The following CCDC7 variants were observed in gnomAD, a reference collection of about 807,000 sequenced individuals.
CCDC7 encodes the protein coiled-coil domain containing 7.
CCDC7 carries 183 observed loss-of-function variants against 196.9 expected under a neutral mutation model. The ratio of observed to expected loss-of-function variants is 0.93; its 90% CI spans 0.82 to 1.05. CCDC7 has a LOEUF of 1.05. Ranked by LOEUF, CCDC7 falls within the 50% of genes least tolerant of loss-of-function variation. The pLI is 0.00. For synonymous variants in CCDC7, 525 were observed against 484.6 expected (o/e 1.08, Z -1.10); for missense variants, 1,540 against 1,482.2 (o/e 1.04, Z -0.64).
intron 28 of CCDC7, among the ~76,000 whole-genome samples, chr10:32,758,735 A>T (rs947003683): frequency 6.6e-6 from 1 of 152,178 alleles, no homozygotes; most frequent in African/African-American, 2.4e-5. Context: ...TAGTGTTGAA[A>T]GTTCTGGCCA....
intron 3 of CCDC7, among the ~76,000 whole-genome samples, chr10:32,461,652 G>T (rs1312412844): frequency 2.8e-5 from 4 of 143,872 alleles, no homozygotes; most frequent in Non-Finnish European, 6.0e-5. Context: ...AAAATATAAT[G>T]CTCCTCTGAA....
chr10:32,456,375 C>G, intron 3 of CCDC7, 41 bp downstream of exon 4: 1 of 1,406,970 alleles, frequency 7.1e-7, no homozygotes, highest in South Asian at 1.9e-5. Flanking sequence ...AAATATCAAA[C>G]TTGTACTGGT....
At chr10:32,683,373 C>A (rs2076077884) in intron 21 of CCDC7, among the ~76,000 whole-genome samples, 1 of 152,150 alleles carries the variant, frequency 6.6e-6, no homozygotes, top group Non-Finnish European at 1.5e-5. Flanking sequence ...TATACCACTA[C>A]CATGCTGTTT....
downstream of CCDC7, among the ~76,000 whole-genome samples, chr10:32,880,914 TACC>T (rs1395253700): frequency 2.1e-4 from 32 of 152,206 alleles, no homozygotes; most frequent in Admixed American, 3.9e-4. Context: ...TTTGTACCAA[TACC>T]AACTGTTTTG....
intron 16 of CCDC7, among the ~76,000 whole-genome samples, chr10:32,579,127 G>A (rs955504514): frequency 6.6e-5 from 10 of 152,146 alleles, no homozygotes; most frequent in African/African-American, 2.4e-4. Context: ...AGTAGTGGCA[G>A]CAATTTATTC....
chr10:32,509,274 T>G (rs189623161), intron 9 of CCDC7, among the ~76,000 whole-genome samples: 85 of 152,260 alleles, frequency 5.6e-4, no homozygotes, highest in African/African-American at 2.0e-3. Flanking sequence ...CAAGTGATCT[T>G]CAGCAATAGT....
intron 28 of CCDC7, among the ~76,000 whole-genome samples, chr10:32,755,376 C>T (rs932829137): frequency 5.3e-5 from 8 of 152,042 alleles, no homozygotes; most frequent in Non-Finnish European, 7.4e-5. Flanking sequence ...CAGTAGGGGC[C>T]GACTGACACC....
intron 20 of CCDC7, among the ~76,000 whole-genome samples, chr10:32,643,291 A>C (rs1474468515): frequency 1.3e-5 from 2 of 152,124 alleles, no homozygotes; most frequent in Admixed American, 6.5e-5. Flanking sequence ...TTTGCCTTAA[A>C]TCCTATTGTG....
chr10:32,748,195 A>T (rs1401819788), intron 28 of CCDC7, among the ~76,000 whole-genome samples: 1 of 152,162 alleles, frequency 6.6e-6, no homozygotes, highest in African/African-American at 2.4e-5. Context: ...GGAACAATAG[A>T]CACTGGGGCC....
chr10:32,782,172 A>C (rs962929366), intron 29 of CCDC7, among the ~76,000 whole-genome samples: 14 of 152,196 alleles, frequency 9.2e-5, no homozygotes, highest in Admixed American at 7.2e-4. Flanking sequence ...AAGAAGACAT[A>C]AATAAATGGA....
intron 33 of CCDC7, among the ~76,000 whole-genome samples, chr10:32,837,481 C>A (rs553550259): frequency 6.6e-6 from 1 of 152,150 alleles, no homozygotes; most frequent in Non-Finnish European, 1.5e-5. Flanking sequence ...CTGGTGGGAC[C>A]GTAAACTAGT....
At chr10:32,501,575 A>G (rs1056565895) in intron 9 of CCDC7, among the ~76,000 whole-genome samples, 3 of 152,070 alleles carry the variant, frequency 2.0e-5, no homozygotes, top group Non-Finnish European at 2.9e-5. Context: ...TCTGTTTGTT[A>G]GTGTTCTTTC....
intron 18 of CCDC7, among the ~76,000 whole-genome samples, chr10:32,622,164 C>T (rs1256439416): frequency 6.6e-6 from 1 of 152,158 alleles, no homozygotes; most frequent in Non-Finnish European, 1.5e-5. Flanking sequence ...TCTTGGCTAA[C>T]TCTCACTCTC....
At chr10:32,702,536 C>T (rs1308221053) in intron 24 of CCDC7, among the ~76,000 whole-genome samples, 1 of 152,134 alleles carries the variant, frequency 6.6e-6, no homozygotes, top group African/African-American at 2.4e-5. Flanking sequence ...TCTATTAGGT[C>T]CGCTTGGTGC....
chr10:32,753,143 A>G (rs2075913740), intron 28 of CCDC7, among the ~76,000 whole-genome samples: 1 of 152,154 alleles, frequency 6.6e-6, no homozygotes, highest in Non-Finnish European at 1.5e-5. Flanking sequence ...AAGGTGGCTC[A>G]GATGATAGGT....
At chr10:32,796,919 T>C (rs993978470) in intron 29 of CCDC7, among the ~76,000 whole-genome samples, 3 of 152,096 alleles carry the variant, frequency 2.0e-5, no homozygotes, top group Non-Finnish European at 4.4e-5. Flanking sequence ...TTATTTTAAA[T>C]ATACAGAATT....
chr10:32,499,193 T>A (rs1249311111), intron 9 of CCDC7: 2 of 151,312 alleles, frequency 1.3e-5, no homozygotes, highest in Non-Finnish European at 2.9e-5. Context: ...CCATGATACA[T>A]GCTGTTATTT....
At chr10:32,653,543 G>T (rs1010559191) in intron 20 of CCDC7, among the ~76,000 whole-genome samples, 1 of 152,152 alleles carries the variant, frequency 6.6e-6, no homozygotes, top group Non-Finnish European at 1.5e-5. Flanking sequence ...TTTAGTTCTT[G>T]TGAAGGTGTA....
chr10:32,688,117 G>T (rs1465266000), intron 22 of CCDC7, among the ~76,000 whole-genome samples: 1 of 151,792 alleles, frequency 6.6e-6, no homozygotes, highest in African/African-American at 2.4e-5. Flanking sequence ...GACACTTTTA[G>T]GGCACTCAGA....
Sources: allele counts gnomAD v4.1 joint callset (sites outside exome capture counted in the v4.1 genomes callset), GRCh38; gene constraint gnomAD v4.1.1; transcripts MANE v1.5; gene names NCBI Gene and HGNC (gene_info 2026-07-23, HGNC 2026-07-21).